The following CUL1 variants were observed in gnomAD, a reference collection of about 807,000 sequenced individuals.
The protein encoded by CUL1 is cullin 1.
CUL1 carries 24 observed loss-of-function variants against 118.0 expected under a neutral mutation model. The ratio of observed to expected loss-of-function variants is 0.20; its 90% CI spans 0.15 to 0.29. The LOEUF (loss-of-function observed/expected upper bound fraction) is 0.29. Ranked by LOEUF, CUL1 falls within the 10% of genes least tolerant of loss-of-function variation. The pLI is 1.00. For synonymous variants in CUL1, 332 were observed against 340.4 expected (o/e 0.98, Z 0.27); for missense variants, 361 against 933.8 (o/e 0.39, Z 7.99).
chr7:148,793,218 C>A (rs573527448), intron 17 of CUL1, among the ~76,000 whole-genome samples: 1 of 152,208 alleles, frequency 6.6e-6, no homozygotes, highest in Non-Finnish European at 1.5e-5. Flanking sequence ...TTCTCTCATT[C>A]ATTTAACCAG....
intron 1 of CUL1, among the ~76,000 whole-genome samples, chr7:148,711,184 A>G (rs566020481): frequency 4.6e-5 from 7 of 152,216 alleles, no homozygotes; most frequent in Non-Finnish European, 8.8e-5. Context: ...ACTTCTGTGC[A>G]TATATGTTTC....
chr7:148,711,514 A>C (rs1236031853), intron 1 of CUL1, among the ~76,000 whole-genome samples: 2 of 152,212 alleles, frequency 1.3e-5, no homozygotes, highest in African/African-American at 4.8e-5. Context: ...TTGTCTTTAA[A>C]ACAAAAAACA....
chr7:148,751,563 G>A (rs243484), intron 2 of CUL1, among the ~76,000 whole-genome samples: 1 of 142,002 alleles, frequency 7.0e-6, no homozygotes, highest in Admixed American at 7.1e-5. Context: ...AACCTCTCTT[G>A]TCACTTTGTC....
intron 9 of CUL1, among the ~76,000 whole-genome samples, chr7:148,768,427 C>T (rs551059778): frequency 7.1e-6 from 1 of 141,530 alleles, no homozygotes; most frequent in East Asian, 2.1e-4. Context: ...CTCTCTTGCC[C>T]AGGCTGGAGT....
intron 3 of CUL1, among the ~76,000 whole-genome samples, chr7:148,755,727 C>CA (rs1295427259): frequency 1.3e-5 from 2 of 152,164 alleles, no homozygotes; most frequent in African/African-American, 4.8e-5. Context: ...TACCATCATC[C>CA]AAAATAGCTT....
Position 148,787,079 on chromosome 7 carries a change from G to T in CUL1, c.1438G>T (p.Ala480Ser). ...CAAGAGGCTCGTCCACCAGAACAGT[G>T]CAAGTGACGATGCCGAAGCCAGCAT... ...LAKRLVHQNS[A>S]SDDAEASMIS... Residue 480 changes from alanine to serine, a missense_variant, in exon 13 of 22, where the codon GCA becomes TCA. Physicochemically the swap from Ala to Ser is moderately conservative, Grantham distance 99. This residue lies in a region of CUL1 where 169 missense variants were observed against 429.7 expected (regional missense o/e 0.39). Transcript: ENST00000325222. The surrounding 1 kb of genome is among the most constrained non-coding windows in gnomAD (Gnocchi z 5.5). The T allele has an allele frequency of 6.2e-7, 1 of 1,613,886 alleles. No individual in the cohort carries two copies. Among genetic ancestry groups the T allele is most frequent in the South Asian group, 1.1e-5 (1 of 91,074 alleles).
chr7:148,792,579 C>T (rs1038999526), intron 16 of CUL1, 147 bp from the exon 17 acceptor site: 5 of 517,556 alleles, frequency 9.7e-6, no homozygotes, highest in African/African-American at 3.9e-5. Context: ...TTTTATATTC[C>T]CTTTTAAATA....
intron 2 of CUL1, among the ~76,000 whole-genome samples, chr7:148,735,049 C>T (rs1308755859): frequency 6.6e-6 from 1 of 152,136 alleles, no homozygotes; most frequent in Non-Finnish European, 1.5e-5. Context: ...CCCCCACTAG[C>T]ACCGTAAGAA....
rs1472545470 is a variant in CUL1, at chr7:148,797,989, C to A, written c.2000C>A (p.Thr667Asn). 5.0e-6 allele frequency: 8 copies of A among 1,609,392 alleles called. No individual in the cohort carries two copies. In the Admixed American group the frequency reaches 6.7e-5, roughly 13 times the overall value. ...NVDEVELKPD[T>N]LIKLYLGYKN... is the part of the protein sequence containing the mutation. ...GATGAGGTGGAATTGAAGCCAGATA[C>A]CTTAATAAAATTATATCTTGGTTAT... Residue 667 changes from threonine (T) to asparagine (N), a missense_variant, in exon 19 of 22, where the codon ACC becomes AAC. By Grantham distance (65) the Thr-to-Asn change is moderately conservative. Around this residue, in one of 7 missense-constraint regions of CUL1, gnomAD observed 84 missense variants for 203.3 expected, o/e 0.41. Transcript: ENST00000325222.
Position 148,768,378 on chromosome 7 carries a change from C to CTTTTTTTTTT in CUL1, c.1083+644_1083+653dup, listed in dbSNP as rs10595637. The stretch of plus-strand genomic sequence containing the variant: ...GGGAGAACAATAGAGAAGAAAAGCT[C>CTTTTTTTTTT]TTTTTTTTTTTTTTTTTTTTTTTTG... On this transcript the variant is annotated intron_variant, in intron 9 of 21. Transcript: ENST00000325222. Among the ~76,000 whole-genome samples the CTTTTTTTTTT allele has an allele frequency of 6.9e-4, 65 of 94,876 alleles. 3 individuals carry two copies. The highest frequency in any genetic ancestry group is 2.7e-3 in the African/African-American group (65 of 24,448). The allele number at this position is 94,876 out of a possible 152,430, so 62.2% of individuals were successfully genotyped here.
intron 3 of CUL1, among the ~76,000 whole-genome samples, chr7:148,755,895 T>C (rs186233225): frequency 1.1e-4 from 16 of 152,362 alleles, no homozygotes; most frequent in Non-Finnish European, 1.5e-4. Context: ...TTAGTTTTCA[T>C]TGAAGACACT....
intron 9 of CUL1, chr7:148,783,328 C>T: frequency 2.0e-6 from 2 of 985,310 alleles, no homozygotes; most frequent in Non-Finnish European, 2.4e-6. Flanking sequence ...TGGGTGGGGG[C>T]CGCAGTCAGA....
chr7:148,725,245 A>ACACACACACACACC (rs1563151095), intron 1 of CUL1, among the ~76,000 whole-genome samples: 2 of 151,256 alleles, frequency 1.3e-5, no homozygotes, highest in Non-Finnish European at 2.9e-5. Flanking sequence ...ACACACACAC[A>ACACACACACACACC]CACCCGTACC....
chr7:148,704,156 G>GCCCCC (rs111577198), intron 1 of CUL1, among the ~76,000 whole-genome samples: 2 of 135,912 alleles, frequency 1.5e-5, no homozygotes, highest in African/African-American at 2.7e-5. Context: ...AACAAAAGCG[G>GCCCCC]CCCCCCCCCA....
intron 9 of CUL1, among the ~76,000 whole-genome samples, chr7:148,780,273 T>C (rs1800578321): frequency 6.6e-6 from 1 of 152,220 alleles, no homozygotes; most frequent in Admixed American, 6.5e-5. Context: ...AGAAGAATGA[T>C]GCAGAGACAC....
chr7:148,772,998 T>C (rs1156814970), intron 9 of CUL1, among the ~76,000 whole-genome samples: 1 of 152,112 alleles, frequency 6.6e-6, no homozygotes, highest in African/African-American at 2.4e-5. Flanking sequence ...GTCCCAAGGC[T>C]ACCATCTTAA....
At chr7:148,796,752 G>T (rs1801212088) in intron 17 of CUL1, among the ~76,000 whole-genome samples, 1 of 152,136 alleles carries the variant, frequency 6.6e-6, no homozygotes, top group Admixed American at 6.6e-5. Context: ...GGCTGCCGCT[G>T]CTCTCTCCTT....
intron 2 of CUL1, among the ~76,000 whole-genome samples, chr7:148,737,646 G>A (rs1221596534): frequency 1.3e-5 from 2 of 151,242 alleles, no homozygotes; most frequent in African/African-American, 2.4e-5. Context: ...TGTTGCCCAG[G>A]CTGGAGTGCA....
intron 2 of CUL1, among the ~76,000 whole-genome samples, chr7:148,734,836 G>C (rs1339428137): frequency 2.0e-5 from 3 of 152,100 alleles, no homozygotes; most frequent in Non-Finnish European, 2.9e-5. Context: ...ACCTACCTGT[G>C]TCTTGTTTCC....
Sources: gnomAD v4.1 joint callset for allele counts (sites outside exome capture counted in the v4.1 genomes callset) on GRCh38, gnomAD v4.1.1 for gene constraint, gnomAD v4.1.1 regional missense constraint, Gnocchi (gnomAD v3.1) non-coding constraint, MANE v1.5 for transcripts, NCBI Gene and HGNC (gene_info 2026-07-23, HGNC 2026-07-21) for gene names.